Variants in ZNF385D observed in about 807,000 individuals in gnomAD.
ZNF385D encodes zinc finger protein 385D.
ZNF385D carries 15 observed loss-of-function variants against 35.8 expected under a neutral mutation model. The ratio of observed to expected loss-of-function variants is 0.42; its 90% CI spans 0.28 to 0.64. The LOEUF (loss-of-function observed/expected upper bound fraction) is 0.64, where lower values mean the gene tolerates loss of function less well. Among genes scored for constraint, ZNF385D ranks in the 30% least tolerant of loss-of-function variants. The probability of loss-of-function intolerance (pLI) is 0.23; values close to 1 mark genes in which losing one functional copy is unlikely to be tolerated. For synonymous variants in ZNF385D, 212 were observed against 186.8 expected (o/e 1.13, Z -1.10); for missense variants, 474 against 494.6 (o/e 0.96, Z 0.39).
At chr3:21,898,328 G>A (rs1699239052) in intron 3 of ZNF385D, among the ~76,000 whole-genome samples, 1 of 152,052 alleles carries the variant, frequency 6.6e-6, no homozygotes, top group Non-Finnish European at 1.5e-5. Flanking sequence ...TACTAACACA[G>A]CTCATTGTAA....
At chr3:22,090,897 C>T (rs1701296898) in intron 3 of ZNF385D, among the ~76,000 whole-genome samples, 1 of 152,110 alleles carries the variant, frequency 6.6e-6, no homozygotes, top group African/African-American at 2.4e-5. Flanking sequence ...TTGTTAGGGT[C>T]TTATGACCCA....
At chr3:21,942,962 C>A (rs913089575) in intron 3 of ZNF385D, among the ~76,000 whole-genome samples, 1 of 152,110 alleles carries the variant, frequency 6.6e-6, no homozygotes, top group Non-Finnish European at 1.5e-5. Context: ...TAACTTAACC[C>A]TTCTAGGTCC....
At chr3:21,669,010 G>T (rs1487326919) in intron 1 of ZNF385D, among the ~76,000 whole-genome samples, 1 of 152,130 alleles carries the variant, frequency 6.6e-6, no homozygotes, top group African/African-American at 2.4e-5. Context: ...TTATTCATTG[G>T]AATGCCACAT....
At chr3:22,086,855 T>C (rs1168169657) in intron 3 of ZNF385D, among the ~76,000 whole-genome samples, 1 of 152,082 alleles carries the variant, frequency 6.6e-6, no homozygotes, top group East Asian at 1.9e-4. Flanking sequence ...ACACTGCATG[T>C]TGTCACTCAT....
intron 2 of ZNF385D, among the ~76,000 whole-genome samples, chr3:21,643,207 G>C (rs901705846): frequency 2.0e-5 from 3 of 152,156 alleles, no homozygotes; most frequent in African/African-American, 7.2e-5. Context: ...TAAAAAGACA[G>C]ATTGAGAGAA....
At chr3:21,476,076 G>A (rs990291155) in intron 4 of ZNF385D, among the ~76,000 whole-genome samples, 2 of 152,076 alleles carry the variant, frequency 1.3e-5, no homozygotes, top group Non-Finnish European at 2.9e-5. Context: ...ACACAGCTCT[G>A]TAAACATTGC....
intron 3 of ZNF385D, among the ~76,000 whole-genome samples, chr3:22,094,226 A>AT (rs35684710): frequency 0.28 from 41,211 of 146,350 alleles, 5,742 homozygotes; most frequent in South Asian, 0.38. Context: ...GTCAAGTAGC[A>AT]TTTTTTTTTC....
chr3:22,138,684 T>G (rs1262752707), intron 3 of ZNF385D, among the ~76,000 whole-genome samples: 4 of 152,128 alleles, frequency 2.6e-5, no homozygotes, highest in Non-Finnish European at 5.9e-5. Flanking sequence ...GATAAAAGAC[T>G]TACATGTTAG....
At chr3:22,045,055 A>C (rs1176892700) in intron 3 of ZNF385D, among the ~76,000 whole-genome samples, 1 of 152,044 alleles carries the variant, frequency 6.6e-6, no homozygotes, top group Non-Finnish European at 1.5e-5. Flanking sequence ...GTTGATATTT[A>C]TCCTGCAACT....
chr3:22,218,790 A>G lies in ZNF385D; in HGVS notation c.107-49755T>C, dbSNP rs909539629. ...AACTTTATAGTTGTTCATTGCCTTC[A>G]AGAAGATTTTTTAATGTATATATTT... On this transcript the variant is annotated intron_variant, in intron 2 of 5. Transcript: ENST00000494108. 3.3e-5 allele frequency among the ~76,000 whole-genome samples: 5 copies of G among 152,192 alleles called. No homozygotes were observed. The South Asian group carries it at 1.0e-3, about 32-fold the overall frequency.
intron 2 of ZNF385D, among the ~76,000 whole-genome samples, chr3:21,599,733 A>C (rs116162552): frequency 0.038 from 5,717 of 152,336 alleles, 157 homozygotes; most frequent in South Asian, 0.084. Flanking sequence ...AGCCACTTGT[A>C]TTTTGATAAA....
At chr3:21,576,787 AAAAG>A (rs1428243122) in intron 2 of ZNF385D, among the ~76,000 whole-genome samples, 1 of 152,188 alleles carries the variant, frequency 6.6e-6, no homozygotes, top group Admixed American at 6.5e-5. Context: ...AGACTGAGAA[AAAAG>A]AAAGGGAAGA....
chr3:22,176,304 A>T (rs17029469), intron 2 of ZNF385D, among the ~76,000 whole-genome samples: 3 of 152,162 alleles, frequency 2.0e-5, no homozygotes, highest in Admixed American at 6.5e-5. Context: ...AAGATAATCT[A>T]AACTGTTTGT....
chr3:21,613,346 A>G (rs984892630), intron 2 of ZNF385D, among the ~76,000 whole-genome samples: 34 of 152,170 alleles, frequency 2.2e-4, no homozygotes, highest in South Asian at 6.2e-4. Context: ...AGAAGATAAA[A>G]AAAAAAATGT....
chr3:21,551,119 T>C (rs1299361704), intron 3 of ZNF385D, among the ~76,000 whole-genome samples: 1 of 152,216 alleles, frequency 6.6e-6, no homozygotes, highest in African/African-American at 2.4e-5. Context: ...TGAATGGCTT[T>C]CCATAGCAGC....
intron 4 of ZNF385D, among the ~76,000 whole-genome samples, chr3:21,447,401 C>T (rs187263466): frequency 6.6e-6 from 1 of 152,224 alleles, no homozygotes; most frequent in East Asian, 1.9e-4. Context: ...CACCCCTGTT[C>T]CAAGAGCTTT....
At chr3:21,571,480 A>G (rs2063332704) in intron 2 of ZNF385D, among the ~76,000 whole-genome samples, 1 of 152,176 alleles carries the variant, frequency 6.6e-6, no homozygotes, top group East Asian at 1.9e-4. Flanking sequence ...TTAAATTTCT[A>G]GGTTATAGAA....
At chr3:21,861,068 C>G in intron 3 of ZNF385D, among the ~76,000 whole-genome samples, 1 of 152,200 alleles carries the variant, frequency 6.6e-6, no homozygotes, top group East Asian at 1.9e-4. Flanking sequence ...ACAGTTTAAG[C>G]GTTATCCACT....
At chr3:21,635,039 G>C (rs2065388234) in intron 2 of ZNF385D, among the ~76,000 whole-genome samples, 1 of 152,016 alleles carries the variant, frequency 6.6e-6, no homozygotes, top group South Asian at 2.1e-4. Context: ...AAATCAAAGT[G>C]GGTCTTTAGG....
Sources: allele counts gnomAD v4.1 joint callset (sites outside exome capture counted in the v4.1 genomes callset), GRCh38; gene constraint gnomAD v4.1.1; transcripts MANE v1.5; gene names NCBI Gene and HGNC (gene_info 2026-07-23, HGNC 2026-07-21).